Variants in PABPC4L observed in about 807,000 individuals in gnomAD.
PABPC4L encodes the protein polyadenylate-binding protein 4-like.
For synonymous variants in PABPC4L, 169 were observed against 164.1 expected, an observed-to-expected ratio of 1.03 and a Z score of -0.23; for missense variants, 452 against 451.4, an observed-to-expected ratio of 1.00 and a Z score of -0.01.
At chr4:134,175,874 A>C in the PABPC4L span, among the ~76,000 whole-genome samples, 1 of 152,208 alleles carries the variant, frequency 6.6e-6, no homozygotes, top group African/African-American at 2.4e-5. Flanking sequence ...CATATAACAA[A>C]TAGAAGAAAA....
chr4:133,986,968 T>G, the PABPC4L span, among the ~76,000 whole-genome samples: 2 of 152,204 alleles, frequency 1.3e-5, no homozygotes, highest in South Asian at 4.2e-4. Flanking sequence ...ACTCCTGACC[T>G]CAGGTGATCT....
chr4:133,959,100 T>C, the PABPC4L span, among the ~76,000 whole-genome samples: 3 of 152,166 alleles, frequency 2.0e-5, no homozygotes, highest in African/African-American at 7.2e-5. Context: ...AAATAGAGTA[T>C]GCCAGGACAG....
the PABPC4L span, among the ~76,000 whole-genome samples, chr4:133,981,765 T>C: frequency 2.6e-5 from 4 of 152,010 alleles, no homozygotes; most frequent in African/African-American, 9.6e-5. Flanking sequence ...CTAATGTATA[T>C]CTTTTAAATT....
chr4:134,131,713 C>CA, the PABPC4L span, among the ~76,000 whole-genome samples: 5 of 9,354 alleles, frequency 5.3e-4, no homozygotes, highest in East Asian at 0.017. Flanking sequence ...TCCTGTGAAA[C>CA]CAAAAAAAAA....
At chr4:133,951,670 A>G in the PABPC4L span, among the ~76,000 whole-genome samples, 1 of 152,114 alleles carries the variant, frequency 6.6e-6, no homozygotes, top group East Asian at 1.9e-4. Flanking sequence ...CATTTTTTCT[A>G]AAGATGGGAG....
the PABPC4L span, among the ~76,000 whole-genome samples, chr4:133,951,738 G>A: frequency 2.0e-5 from 3 of 152,192 alleles, no homozygotes; most frequent in Admixed American, 1.3e-4. Flanking sequence ...CCTTAATGGG[G>A]TCCCCTATGG....
the PABPC4L span, among the ~76,000 whole-genome samples, chr4:134,078,812 C>T: frequency 6.6e-6 from 1 of 151,484 alleles, no homozygotes; most frequent in Non-Finnish European, 1.5e-5. Context: ...ACTACCATGC[C>T]TGGCTAATTT....
the PABPC4L span, among the ~76,000 whole-genome samples, chr4:134,097,309 C>T: frequency 6.6e-6 from 1 of 151,844 alleles, no homozygotes; most frequent in Non-Finnish European, 1.5e-5. Flanking sequence ...CATGTTACAT[C>T]CACTAAACAG....
chr4:134,200,740 T>C lies in PABPC4L; in HGVS notation c.280A>G (p.Arg94Gly), dbSNP rs1485113021. 6.4e-7 allele frequency: 1 copy of C among 1,551,580 alleles called. No homozygotes were observed. The highest frequency in any genetic ancestry group is 8.7e-7 in the Non-Finnish European group (1 of 1,146,992). ...ATGAATACGTTCCCAATTCCAGATCTCCTCAAGTAGGCATCGCGCTGAGAC... is the reference window on the plus strand; with the variant it reads ...ATGAATACGTTCCCAATTCCAGATCCCCTCAAGTAGGCATCGCGCTGAGAC... Reference protein sequence around the residue: ...MWSQRDAYLRRSGIGNVFIKN... With the variant: ...MWSQRDAYLRGSGIGNVFIKN... The change falls in exon 2 of 2, where the codon AGA (arginine) becomes GGA (glycine). Residue 94 changes from arginine (R) to glycine (G), a missense_variant. Coordinates refer to ENST00000421491, the MANE Select transcript of PABPC4L (RefSeq NM_001114734.2).
chr4:134,172,031 GA>G, the PABPC4L span, among the ~76,000 whole-genome samples: 2 of 151,116 alleles, frequency 1.3e-5, no homozygotes, highest in African/African-American at 2.4e-5. Flanking sequence ...ATGAACAGAT[GA>G]AAAAAAACAT....
the PABPC4L span, among the ~76,000 whole-genome samples, chr4:134,037,273 G>A: frequency 6.6e-6 from 1 of 151,894 alleles, no homozygotes; most frequent in African/African-American, 2.4e-5. Context: ...CTTTACATCC[G>A]TGAGCATGGA....
chr4:133,967,246 C>T, the PABPC4L span, among the ~76,000 whole-genome samples: 2,739 of 152,002 alleles, frequency 0.018, 85 homozygotes, highest in African/African-American at 0.063. Flanking sequence ...CCAGACAAGA[C>T]GATTTCTTAA....
Position 134,197,128 on chromosome 4 carries a change from C to A in PABPC4L, c.*2779G>T, listed in dbSNP as rs977934619. On this transcript the variant is annotated 3_prime_UTR_variant, in exon 2 of 2. Transcript: ENST00000421491. Reference sequence around the variant, plus strand: ...TTTCCAGTCTTGTTGTCTGGTAAACCTTTTTAACAACTTTCTGCTTCTGAT... The same window carrying A: ...TTTCCAGTCTTGTTGTCTGGTAAACATTTTTAACAACTTTCTGCTTCTGAT... The A allele has an allele frequency of 2.6e-5, 4 of 151,614 alleles. No homozygotes were observed. Among genetic ancestry groups the A allele is most frequent in the Non-Finnish European group, 5.9e-5 (4 of 67,628 alleles). The allele number at this position is 151,614 out of a possible 1,614,324, so 9.4% of individuals were successfully genotyped here.
intron 1 of PABPC4L, 36 bp from the exon 2 acceptor site, chr4:134,201,281 C>T (rs1024084371): frequency 6.9e-7 from 1 of 1,447,960 alleles, no homozygotes; most frequent in African/African-American, 1.4e-5. Context: ...TAGGACAAGA[C>T]GTTCCTTCCC....
chr4:134,145,125 C>T, the PABPC4L span, among the ~76,000 whole-genome samples: 1 of 151,726 alleles, frequency 6.6e-6, no homozygotes, highest in South Asian at 2.1e-4. Flanking sequence ...AAAGTAATTG[C>T]AGTTTTTGTT....
chr4:134,181,513 T>A, the PABPC4L span, among the ~76,000 whole-genome samples: 1 of 152,070 alleles, frequency 6.6e-6, no homozygotes, highest in African/African-American at 2.4e-5. Flanking sequence ...CTAGATATCT[T>A]AGCCAAAGTA....
chr4:134,095,886 A>C, the PABPC4L span, among the ~76,000 whole-genome samples: 1 of 151,958 alleles, frequency 6.6e-6, no homozygotes, highest in East Asian at 1.9e-4. Flanking sequence ...TGCACCCTGC[A>C]CAGAGAACTT....
chr4:134,033,192 C>T, the PABPC4L span, among the ~76,000 whole-genome samples: 594 of 151,646 alleles, frequency 3.9e-3, 1 homozygote, highest in Middle Eastern at 0.014. Context: ...TTAGAGTGAT[C>T]CTTGGTATTA....
the PABPC4L span, among the ~76,000 whole-genome samples, chr4:134,161,649 G>A: frequency 6.6e-6 from 1 of 152,122 alleles, no homozygotes; most frequent in Non-Finnish European, 1.5e-5. Context: ...CAGCAGACTT[G>A]TCTTACAAGA....
Sources: gnomAD v4.1 joint callset for allele counts (sites outside exome capture counted in the v4.1 genomes callset) on GRCh38, gnomAD v4.1.1 for gene constraint, MANE v1.5 for transcripts, NCBI Gene and HGNC (gene_info 2026-07-23, HGNC 2026-07-21) for gene names.